OPA1: variants seen among roughly 807,000 people sequenced by gnomAD.
OPA1 encodes the protein OPA1 mitochondrial dynamin like GTPase.
A neutral mutation model predicts 152.9 loss-of-function variants in OPA1; 59 were observed. The ratio of observed to expected loss-of-function variants is 0.39; its 90% CI spans 0.31 to 0.48. The LOEUF (loss-of-function observed/expected upper bound fraction) is 0.48. Among genes scored for constraint, OPA1 ranks in the 20% least tolerant of loss-of-function variants. The probability of loss-of-function intolerance (pLI) is 0.96; values close to 1 mark genes in which losing one functional copy is unlikely to be tolerated. For missense variants in OPA1, 1,008 were observed against 1,216.8 expected (o/e 0.83, Z 2.55); for synonymous variants, 400 against 389.9 (o/e 1.03, Z -0.31).
chr3:193,606,611 G>C (rs1727323941), intron 1 of OPA1, among the ~76,000 whole-genome samples: 1 of 152,064 alleles, frequency 6.6e-6, no homozygotes, highest in Admixed American at 6.5e-5. Flanking sequence ...ATTTTTTATG[G>C]CTCCATAGTA....
At chr3:193,665,070 C>T in intron 27 of OPA1, 74 bp downstream of exon 27, 1 of 827,276 alleles carries the variant, frequency 1.2e-6, no homozygotes, top group South Asian at 1.4e-5. Flanking sequence ...TAAACTTTAG[C>T]TTAAGCATTA....
intron 6 of OPA1, among the ~76,000 whole-genome samples, chr3:193,619,885 T>C (rs142471860): frequency 6.6e-6 from 1 of 152,304 alleles, no homozygotes; most frequent in East Asian, 1.9e-4. Context: ...TTGAACTTTT[T>C]ATATTCCAAA....
Position 193,648,151 on chromosome 3 carries a change from C to A in OPA1, c.1935+17C>A, listed in dbSNP as rs769085336. 4 of 1,565,876 alleles carry A rather than the reference C, an allele frequency of 2.6e-6. No homozygotes were observed. The highest frequency in any genetic ancestry group is 1.7e-5 in the Admixed American group (1 of 59,910). On this transcript the variant is annotated intron_variant, in intron 20 of 30. Transcript: ENST00000361510. The stretch of plus-strand genomic sequence containing the variant: ...CTTGACCGGGTAATATTTGGATACT[C>A]GTGTATTTTGTATATATCTTAATTT...
In OPA1 at chr3:193,693,967, G is replaced by GT. The variant is rs557239530; in HGVS notation, c.*6-637dup. Among the ~76,000 whole-genome samples, 714 of 152,222 alleles carry GT rather than the reference G, an allele frequency of 4.7e-3. 2 individuals are homozygous for GT. The highest frequency in any genetic ancestry group is 6.1e-3 in the Non-Finnish European group (415 of 67,998). The stretch of plus-strand genomic sequence containing the variant: ...AATTGATGAAAGCCCCGGAAGCCCC[G>GT]TTAAAAAGACAAGCTGTATTTCTGT... On this transcript the variant is annotated intron_variant, in intron 30 of 30. Transcript: ENST00000361510.
At chr3:193,609,663 T>A (rs1727878137) in intron 1 of OPA1, among the ~76,000 whole-genome samples, 1 of 152,226 alleles carries the variant, frequency 6.6e-6, no homozygotes, top group Non-Finnish European at 1.5e-5. Flanking sequence ...TTCCCGTCAC[T>A]TTCAGGTACA....
intron 11 of OPA1, among the ~76,000 whole-genome samples, 190 bp downstream of exon 11, chr3:193,638,255 G>C (rs1457344513): frequency 6.6e-6 from 1 of 152,216 alleles, no homozygotes; most frequent in Non-Finnish European, 1.5e-5. Flanking sequence ...TGAGTGAGGG[G>C]AGAGTGGTAG....
At chr3:193,647,960 C>G (rs113367640) in intron 19 of OPA1, 110 bp from the exon 20 acceptor site, 2 of 766,770 alleles carry the variant, frequency 2.6e-6, no homozygotes, top group Admixed American at 1.9e-5. Context: ...GGGTCATAGG[C>G]GCACTCTCAG....
intron 29 of OPA1, chr3:193,668,470 G>C (rs952644026): frequency 6.4e-7 from 1 of 1,550,554 alleles, no homozygotes; most frequent in East Asian, 2.4e-5. Flanking sequence ...GCTCTGCTCT[G>C]ACGCTTTGTG....
intron 21 of OPA1, among the ~76,000 whole-genome samples, chr3:193,653,170 A>C (rs1712944589): frequency 1.3e-5 from 2 of 152,068 alleles, no homozygotes; most frequent in Admixed American, 6.5e-5. Flanking sequence ...CAGTGACTAA[A>C]TTGTCTTTGT....
rs892260364 is a variant in OPA1 at position 193,676,812 on chromosome 3, C to T, written c.2983+9532C>T. Among the ~76,000 whole-genome samples the T allele has an allele frequency of 3.0e-4, 45 of 152,022 alleles. 2 individuals carry two copies. The highest frequency in any genetic ancestry group is 2.1e-4 in the South Asian group (1 of 4,820). ...TGGCTAACACAGTGAAACCCCGTCTCTACTAAAAATACAAAAAATTTAGCC... is the reference window on the plus strand; with the variant it reads ...TGGCTAACACAGTGAAACCCCGTCTTTACTAAAAATACAAAAAATTTAGCC... On this transcript the variant is annotated intron_variant, in intron 29 of 30. Transcript: ENST00000361510.
At chr3:193,615,939 C>T (rs956409315) in intron 3 of OPA1, among the ~76,000 whole-genome samples, 169 bp downstream of exon 3, 1 of 152,034 alleles carries the variant, frequency 6.6e-6, no homozygotes, top group African/African-American at 2.4e-5. Context: ...TACCCAGTAG[C>T]CCATAATTTT....
At chr3:193,662,665 G>A (rs1240070134) in intron 25 of OPA1, among the ~76,000 whole-genome samples, 157 bp from the exon 26 acceptor site, 3 of 51,134 alleles carry the variant, frequency 5.9e-5, no homozygotes, top group African/African-American at 2.0e-4. Flanking sequence ...TCATAAGCCG[G>A]GGTGCTGTGT....
chr3:193,670,471 G>T (rs1430447525), intron 29 of OPA1, among the ~76,000 whole-genome samples: 4 of 151,014 alleles, frequency 2.6e-5, no homozygotes, highest in African/African-American at 9.7e-5. Context: ...CTGCAAGGTG[G>T]TTCTCCCACC....
chr3:193,668,289 T>A, intron 29 of OPA1: 1 of 1,520,420 alleles, frequency 6.6e-7, no homozygotes, highest in Non-Finnish European at 8.9e-7. Context: ...CCAACTTGAA[T>A]GAAGATATGT....
At chr3:193,608,113 C>T (rs1313716612) in intron 1 of OPA1, among the ~76,000 whole-genome samples, 1 of 152,142 alleles carries the variant, frequency 6.6e-6, no homozygotes, top group Non-Finnish European at 1.5e-5. Context: ...GTTAGTCTTG[C>T]TAGCGGTCTA....
At chr3:193,595,693 G>C (rs2108767291) in intron 1 of OPA1, among the ~76,000 whole-genome samples, 1 of 152,186 alleles carries the variant, frequency 6.6e-6, no homozygotes, top group South Asian at 2.1e-4. Context: ...GTTTGGTTTT[G>C]TTTTCTTTTG....
chr3:193,617,764 C>G lies in OPA1; in HGVS notation c.557-20C>G. On this transcript the variant is annotated intron_variant, in intron 4 of 30. Transcript: ENST00000361510. ...GTTAAATTTTACATTTCTATTTCCC[C>G]TTTTGCTGATTTTTCACAGGTCACA... 6.3e-7 allele frequency: 1 copy of G among 1,591,178 alleles called. No homozygotes were observed. Among genetic ancestry groups the G allele is most frequent in the Non-Finnish European group, 8.6e-7 (1 of 1,159,534 alleles).
chr3:193,634,906 A>G (rs1732708249), intron 8 of OPA1, among the ~76,000 whole-genome samples: 1 of 152,150 alleles, frequency 6.6e-6, no homozygotes, highest in Non-Finnish European at 1.5e-5. Flanking sequence ...TGTGAAGGCT[A>G]AGGGAGTTAA....
rs751986355 is a variant in OPA1, at chr3:193,614,961, G to A, written c.271G>A (p.Ala91Thr). ...CCAGCCTCGCAGGAATTTTTGGCCA[G>A]CAAGATTAGCTACGAGACTCTTAAA... is the stretch of plus-strand genomic sequence containing the variant. ...GYQPRRNFWPARLATRLLKLR... is the reference protein window; with the variant it reads ...GYQPRRNFWPTRLATRLLKLR... The change falls in exon 2 of 31, where the codon GCA (alanine) becomes ACA (threonine). Residue 91 changes from alanine to threonine, a missense_variant. By Grantham distance (58) the Ala-to-Thr change is moderately conservative (BLOSUM62 0). This residue lies in a region of OPA1 where 408 missense variants were observed against 395.1 expected (regional missense o/e 1.03). Transcript: ENST00000361510. The A allele has an allele frequency of 1.2e-6, 2 of 1,614,112 alleles. No homozygotes were observed. Among genetic ancestry groups the A allele is most frequent in the Non-Finnish European group, 1.7e-6 (2 of 1,179,984 alleles).
Sources: gnomAD v4.1 joint callset for allele counts (sites outside exome capture counted in the v4.1 genomes callset) on GRCh38, gnomAD v4.1.1 for gene constraint, gnomAD v4.1.1 regional missense constraint, MANE v1.5 for transcripts, NCBI Gene and HGNC (gene_info 2026-07-23, HGNC 2026-07-21) for gene names.